Variants in ZC3H3 observed in about 807,000 individuals in gnomAD.
ZC3H3 encodes zinc finger CCCH domain-containing protein 3.
ZC3H3 carries 36 observed loss-of-function variants against 77.3 expected under a neutral mutation model. That is an observed-to-expected ratio of 0.47 (90% CI 0.36 to 0.61). The LOEUF (loss-of-function observed/expected upper bound fraction) is 0.61, where lower values mean the gene tolerates loss of function less well. ZC3H3 is among the 20% of genes least tolerant of loss of function. The pLI is 0.00. For missense variants in ZC3H3, 1,331 were observed against 1,312.2 expected (o/e 1.01, Z -0.22); for synonymous variants, 626 against 555.2 (o/e 1.13, Z -1.79).
intron 2 of ZC3H3, among the ~76,000 whole-genome samples, chr8:143,537,186 T>G (rs552216550): frequency 1.3e-5 from 2 of 152,248 alleles, no homozygotes; most frequent in South Asian, 4.1e-4. Context: ...CATGACACCA[T>G]CTCTGAGTCT....
chr8:143,506,963 C>A (rs1419013089), intron 4 of ZC3H3, among the ~76,000 whole-genome samples: 1 of 152,258 alleles, frequency 6.6e-6, no homozygotes, highest in African/African-American at 2.4e-5. Flanking sequence ...CGCCACTCCC[C>A]CAGGAGCAGA....
At position 143,538,639 on chromosome 8, in the gene ZC3H3, A is replaced by G; in HGVS notation, c.728T>C (p.Leu243Pro). 1 of 1,608,948 alleles carries G rather than the reference A, an allele frequency of 6.2e-7. No homozygotes were observed. Among genetic ancestry groups the G allele is most frequent in the Non-Finnish European group, 8.5e-7 (1 of 1,179,984 alleles). Residue 243 changes from leucine to proline, a missense_variant, in exon 2 of 12, where the codon CTG (leucine) becomes CCG (proline). Transcript: ENST00000262577. ...GGAATGAGAACCCAGCTTCCGGCCC[A>G]GGGCCACGCCAGTGCGTGGGGGCAG... ...SALPPRTGVA[L>P]GRKLGSHSVA... is the part of the protein sequence containing the mutation.
Position 143,491,855 on chromosome 8 carries a change from G to A in ZC3H3, c.1715+15891C>T, listed in dbSNP as rs1031583780. Among the ~76,000 whole-genome samples, 9 of 152,142 alleles carry A rather than the reference G, an allele frequency of 5.9e-5. No individual in the cohort carries two copies. The South Asian group carries it at 1.2e-3, about 21-fold the overall frequency. On this transcript the variant is annotated intron_variant, in intron 4 of 11. Transcript: ENST00000262577. ...AGTCCTGCAGGCACAGGACACCCTCGGCCCTGGGCCTGGCTTGGACCACTC... is the reference window on the plus strand; with the variant it reads ...AGTCCTGCAGGCACAGGACACCCTCAGCCCTGGGCCTGGCTTGGACCACTC...
At position 143,440,144 on chromosome 8, in the gene ZC3H3, G is replaced by A; in HGVS notation, c.2712C>T (p.Asn904=). 1 of 1,611,894 alleles carries A rather than the reference G, an allele frequency of 6.2e-7. No individual in the cohort carries two copies. Among genetic ancestry groups the A allele is most frequent in the Non-Finnish European group, 8.5e-7 (1 of 1,179,720 alleles). ...QEAALAAACS[N]RLCKLPSFIS... The stretch of plus-strand genomic sequence containing the variant: ...TGAAGGAAGGCAGCTTGCAGAGCCT[G>A]TTGGAGCACGCTGCTGCTAAGGCAG... The change falls in exon 11 of 12, where the codon AAC becomes AAT. Residue 904 remains asparagine (N), a synonymous_variant. Coordinates refer to ENST00000262577, the MANE Select transcript of ZC3H3 (RefSeq NM_015117.3).
intron 2 of ZC3H3, among the ~76,000 whole-genome samples, chr8:143,536,922 A>G (rs1015165767): frequency 2.6e-5 from 4 of 151,122 alleles, no homozygotes; most frequent in Admixed American, 2.6e-4. Context: ...AGCTGCCAGC[A>G]TGGTTTAGAG....
chr8:143,505,149 G>A (rs1448011735), intron 4 of ZC3H3, among the ~76,000 whole-genome samples: 2 of 152,202 alleles, frequency 1.3e-5, no homozygotes, highest in East Asian at 1.9e-4. Flanking sequence ...GGGCTTGCCC[G>A]CCAGCCCCTC....
Position 143,462,805 on chromosome 8 carries a change from G to C in ZC3H3, c.2307+2912C>G, listed in dbSNP as rs1440606394. Among the ~76,000 whole-genome samples, 1 of 152,210 alleles carries C rather than the reference G, an allele frequency of 6.6e-6. No homozygotes were observed. Among genetic ancestry groups the C allele is most frequent in the Admixed American group, 6.5e-5 (1 of 15,286 alleles). ...GAGTCACTGTCACCCCTGCACACGTGCACACGATGCTCCCCAGCCCTGTGC... is the reference window on the plus strand; with the variant it reads ...GAGTCACTGTCACCCCTGCACACGTCCACACGATGCTCCCCAGCCCTGTGC... On this transcript the variant is annotated intron_variant, in intron 9 of 11. Transcript: ENST00000262577. The surrounding 1 kb of genome is among the most constrained non-coding windows in gnomAD (Gnocchi z 4.7).
At chr8:143,464,518 C>T (rs1164354169) in intron 9 of ZC3H3, among the ~76,000 whole-genome samples, 3 of 152,170 alleles carry the variant, frequency 2.0e-5, no homozygotes, top group Non-Finnish European at 4.4e-5. Flanking sequence ...GGGAAGGGCC[C>T]GGCCCACCAC....
chr8:143,525,198 A>G (rs1309368482), intron 3 of ZC3H3, among the ~76,000 whole-genome samples: 1 of 152,220 alleles, frequency 6.6e-6, no homozygotes, highest in Non-Finnish European at 1.5e-5. Context: ...ACCTCCCAGC[A>G]GCGCTCGGCC....
At chr8:143,473,047 G>A (rs1251632061) in intron 5 of ZC3H3, among the ~76,000 whole-genome samples, 1 of 152,222 alleles carries the variant, frequency 6.6e-6, no homozygotes, top group Non-Finnish European at 1.5e-5. Context: ...TATCCTGGCC[G>A]CCTGGGGCTC....
chr8:143,485,223 T>C (rs891233315), intron 4 of ZC3H3, among the ~76,000 whole-genome samples: 1 of 152,106 alleles, frequency 6.6e-6, no homozygotes, highest in African/African-American at 2.4e-5. Flanking sequence ...GGATCTGAAG[T>C]GTTTGTTGTG....
chr8:143,534,108 A>C (rs1822710598), intron 3 of ZC3H3, among the ~76,000 whole-genome samples: 1 of 151,788 alleles, frequency 6.6e-6, no homozygotes, highest in Non-Finnish European at 1.5e-5. Flanking sequence ...ACAAAGCAAG[A>C]CCCTGTCCCT....
At chr8:143,531,472 C>T (rs1212410076) in intron 3 of ZC3H3, among the ~76,000 whole-genome samples, 1 of 152,224 alleles carries the variant, frequency 6.6e-6, no homozygotes. Context: ...AAGAGTCAGG[C>T]TGAAACCTTC....
chr8:143,474,043 C>A (rs1002521079), intron 5 of ZC3H3, among the ~76,000 whole-genome samples: 2 of 152,184 alleles, frequency 1.3e-5, no homozygotes, highest in Admixed American at 6.5e-5. Context: ...CCCCAACCCA[C>A]GGCAGCATCC....
At chr8:143,506,957 A>G (rs1821715241) in intron 4 of ZC3H3, among the ~76,000 whole-genome samples, 1 of 152,098 alleles carries the variant, frequency 6.6e-6, no homozygotes, top group South Asian at 2.1e-4. Context: ...GGCCCACGCC[A>G]CTCCCCCAGG....
intron 2 of ZC3H3, among the ~76,000 whole-genome samples, chr8:143,536,992 G>A (rs891796271): frequency 3.3e-5 from 5 of 151,528 alleles, no homozygotes; most frequent in Admixed American, 6.6e-5. Flanking sequence ...GCCTCAACAC[G>A]GCACCTATCT....
chr8:143,506,923 CCT>C lies in ZC3H3; in HGVS notation c.1715+821_1715+822del, dbSNP rs1821714354. Reference sequence around the variant, plus strand: ...CGTGCCCTGGGCCGTGGCTGCTCGCCCTGAGGCCCTGCCCACCATCTCTGGCC... The same window carrying C: ...CGTGCCCTGGGCCGTGGCTGCTCGCCGAGGCCCTGCCCACCATCTCTGGCC... On this transcript the variant is annotated intron_variant, in intron 4 of 11. Transcript: ENST00000262577. Among the ~76,000 whole-genome samples the C allele has an allele frequency of 2.6e-5, 4 of 152,376 alleles. No homozygotes were observed. In the South Asian group the frequency reaches 8.3e-4, roughly 32 times the overall value.
chr8:143,499,747 G>C (rs547050648), intron 4 of ZC3H3, among the ~76,000 whole-genome samples: 1 of 152,160 alleles, frequency 6.6e-6, no homozygotes, highest in Non-Finnish European at 1.5e-5. Context: ...GAGGCCCTGG[G>C]GACCGGGCCA....
At chr8:143,453,034 A>C (rs1046404817) in intron 9 of ZC3H3, among the ~76,000 whole-genome samples, 8 of 152,254 alleles carry the variant, frequency 5.3e-5, no homozygotes, top group Non-Finnish European at 1.2e-4. Flanking sequence ...CCCAGATGTC[A>C]GACAGTGAAA....
Sources: allele counts gnomAD v4.1 joint callset (sites outside exome capture counted in the v4.1 genomes callset), GRCh38; gene constraint gnomAD v4.1.1; non-coding constraint Gnocchi (gnomAD v3.1); transcripts MANE v1.5; gene names NCBI Gene and HGNC (gene_info 2026-07-23, HGNC 2026-07-21).